SLC24A2: variants seen among roughly 807,000 people sequenced by gnomAD.
SLC24A2 encodes sodium/potassium/calcium exchanger 2.
In SLC24A2, 36 loss-of-function variants were observed where a neutral mutation model predicts 62.0. The ratio of observed to expected loss-of-function variants is 0.58; its 90% CI spans 0.44 to 0.77. SLC24A2 has a LOEUF of 0.77. Ranked by LOEUF, SLC24A2 falls within the 30% of genes least tolerant of loss-of-function variation. The pLI is 0.00. For synonymous variants in SLC24A2, 358 were observed against 294.0 expected (o/e 1.22, Z -2.23); for missense variants, 846 against 817.9 (o/e 1.03, Z -0.42).
chr9:19,984,923 G>A, the SLC24A2 span, among the ~76,000 whole-genome samples: 2 of 151,614 alleles, frequency 1.3e-5, no homozygotes, highest in African/African-American at 2.4e-5. Flanking sequence ...TAATTTCTGT[G>A]AAATTTTTCT....
At chr9:19,521,197 T>C (rs1833182043) in intron 9 of SLC24A2, 137 bp from the exon 10 acceptor site, 1 of 782,098 alleles carries the variant, frequency 1.3e-6, no homozygotes, top group African/African-American at 1.7e-5. Context: ...TAAAGATGAA[T>C]AAGCCACAGT....
At chr9:19,877,537 T>C in the SLC24A2 span, among the ~76,000 whole-genome samples, 3 of 151,786 alleles carry the variant, frequency 2.0e-5, no homozygotes, top group Admixed American at 1.3e-4. Context: ...AATTCCCTAA[T>C]GTTTGGAGTG....
At chr9:19,680,617 T>C (rs932605932) in intron 2 of SLC24A2, among the ~76,000 whole-genome samples, 5 of 151,170 alleles carry the variant, frequency 3.3e-5, no homozygotes, top group African/African-American at 1.2e-4. Context: ...TATATATATA[T>C]ATATTCATAG....
the SLC24A2 span, among the ~76,000 whole-genome samples, chr9:19,872,766 G>A: frequency 2.0e-5 from 3 of 152,168 alleles, no homozygotes; most frequent in African/African-American, 7.2e-5. Flanking sequence ...TGGAAGGGAT[G>A]ATTGACAATG....
At chr9:20,225,565 T>TATATATA in the SLC24A2 span, among the ~76,000 whole-genome samples, 7 of 99,066 alleles carry the variant, frequency 7.1e-5, 1 homozygote, top group African/African-American at 2.6e-4. Context: ...ATATATTATA[T>TATATATA]ATATATATAA....
At chr9:19,636,409 T>TCTCTCTC (rs1450129313) in intron 2 of SLC24A2, among the ~76,000 whole-genome samples, 3 of 40,098 alleles carry the variant, frequency 7.5e-5, no homozygotes, top group African/African-American at 3.2e-4. Context: ...CTCTCTCTCT[T>TCTCTCTC]TCTTTCTTTC....
At chr9:20,102,152 G>A in the SLC24A2 span, among the ~76,000 whole-genome samples, 1 of 152,162 alleles carries the variant, frequency 6.6e-6, no homozygotes, top group Non-Finnish European at 1.5e-5. Context: ...AAGAGTTGGA[G>A]CCTAAACCTA....
chr9:20,009,292 T>A, the SLC24A2 span, among the ~76,000 whole-genome samples: 2 of 149,382 alleles, frequency 1.3e-5, no homozygotes, highest in Non-Finnish European at 3.0e-5. Flanking sequence ...GGCTGAGGCA[T>A]GAGAATCACT....
chr9:19,520,980 G>A lies in SLC24A2; in HGVS notation c.1650C>T (p.Ile550=), dbSNP rs754294458. 2 of 1,614,056 alleles carry A rather than the reference G, an allele frequency of 1.2e-6. No homozygotes were observed. Among genetic ancestry groups the A allele is most frequent in the Non-Finnish European group, 1.7e-6 (2 of 1,179,980 alleles). The change falls in exon 10 of 11, where the codon ATC becomes ATT. Residue 550 remains isoleucine, a synonymous_variant. Transcript: ENST00000341998. ...CCTTCCGGGCCACTATGACACTGGT[G>A]ATAAGATCAGGGATGGAGGTCCCAG... is the stretch of plus-strand genomic sequence containing the variant. ...LAAGTSIPDL[I]TSVIVARKGL...
At chr9:20,241,610 A>G in the SLC24A2 span, among the ~76,000 whole-genome samples, 1 of 152,190 alleles carries the variant, frequency 6.6e-6, no homozygotes, top group African/African-American at 2.4e-5. Flanking sequence ...TGCAAGGATG[A>G]TTACATGATC....
At chr9:20,171,711 T>G in the SLC24A2 span, among the ~76,000 whole-genome samples, 1 of 151,914 alleles carries the variant, frequency 6.6e-6, no homozygotes, top group South Asian at 2.1e-4. Context: ...GCTCCCAAAT[T>G]TATAAAACAA....
chr9:20,087,998 C>A, the SLC24A2 span, among the ~76,000 whole-genome samples: 4 of 152,220 alleles, frequency 2.6e-5, no homozygotes, highest in African/African-American at 9.6e-5. Context: ...CGTGAATCCA[C>A]TCCACCAGGA....
In SLC24A2 at chr9:19,513,153, G is replaced by GATATATATAT. The variant is rs1188899124; in HGVS notation, c.*2990_*2999dup. The stretch of plus-strand genomic sequence containing the variant: ...TGTGTACATATAGATCTGGTATAAA[G>GATATATATAT]ATATATATATATATATATATATGTA... On this transcript the variant is annotated 3_prime_UTR_variant, in exon 11 of 11. Transcript: ENST00000341998. 7.8e-3 allele frequency: 614 copies of GATATATATAT among 79,042 alleles called. 7 individuals carry two copies. The highest frequency in any genetic ancestry group is 0.01 in the East Asian group (24 of 2,310). 4.9% of individuals were successfully genotyped at this position (79,042 alleles called of 1,614,324 possible).
intron 8 of SLC24A2, among the ~76,000 whole-genome samples, chr9:19,543,885 G>T (rs1362787474): frequency 6.6e-6 from 1 of 152,158 alleles, no homozygotes; most frequent in Non-Finnish European, 1.5e-5. Context: ...GCGATGAGGT[G>T]CTGAGAAGAA....
At chr9:20,020,257 A>C in the SLC24A2 span, among the ~76,000 whole-genome samples, 3 of 152,214 alleles carry the variant, frequency 2.0e-5, no homozygotes, top group African/African-American at 7.2e-5. Flanking sequence ...TTCTACTATA[A>C]AGACACATGC....
intron 2 of SLC24A2, among the ~76,000 whole-genome samples, chr9:19,765,162 C>A (rs1822472333): frequency 6.6e-6 from 1 of 151,994 alleles, no homozygotes; most frequent in Non-Finnish European, 1.5e-5. Context: ...AATCTTCCTG[C>A]ATCCCTTTAT....
chr9:19,849,004 C>A, the SLC24A2 span, among the ~76,000 whole-genome samples: 1 of 152,192 alleles, frequency 6.6e-6, no homozygotes, highest in South Asian at 2.1e-4. Context: ...GAAGCACACC[C>A]TAGAGTGGGA....
chr9:19,663,083 C>T (rs375164949), intron 2 of SLC24A2, among the ~76,000 whole-genome samples: 16 of 152,176 alleles, frequency 1.1e-4, no homozygotes, highest in African/African-American at 3.9e-4. Flanking sequence ...AGGTAAATGG[C>T]TAACTGCCCA....
the SLC24A2 span, among the ~76,000 whole-genome samples, chr9:19,866,467 T>A: frequency 1.3e-5 from 2 of 152,278 alleles, no homozygotes; most frequent in Non-Finnish European, 2.9e-5. Context: ...CATCAACAGA[T>A]GACTGGATAA....
Sources: allele counts gnomAD v4.1 joint callset (sites outside exome capture counted in the v4.1 genomes callset), GRCh38; gene constraint gnomAD v4.1.1; transcripts MANE v1.5; gene names NCBI Gene and HGNC (gene_info 2026-07-23, HGNC 2026-07-21).